Variants in GLRA3 observed in about 807,000 individuals in gnomAD.
GLRA3 encodes the protein glycine receptor alpha 3.
GLRA3 carries 44 observed loss-of-function variants against 60.4 expected under a neutral mutation model. The ratio of observed to expected loss-of-function variants is 0.73; its 90% confidence interval spans 0.57 to 0.94. GLRA3 has a LOEUF of 0.94. Ranked by LOEUF, GLRA3 falls within the 40% of genes least tolerant of loss-of-function variation. The pLI is 0.00. For synonymous variants in GLRA3, 223 were observed against 192.9 expected (o/e 1.16, Z -1.29); for missense variants, 508 against 564.6 (o/e 0.90, Z 1.02).
At chr4:174,735,621 T>C (rs1258682256) in intron 3 of GLRA3, among the ~76,000 whole-genome samples, 1 of 152,144 alleles carries the variant, frequency 6.6e-6, no homozygotes, top group Non-Finnish European at 1.5e-5. Context: ...AATGCAGTGG[T>C]GCCAACTCTG....
At position 174,829,226 on chromosome 4, in the gene GLRA3, A is replaced by G. The variant is rs982715954; in HGVS notation, c.-415T>C. 3 of 163,764 alleles carry G rather than the reference A, an allele frequency of 1.8e-5. No homozygotes were observed. Among genetic ancestry groups the G allele is most frequent in the African/African-American group, 7.2e-5 (3 of 41,834 alleles). 10.1% of individuals were successfully genotyped at this position (163,764 alleles called of 1,614,324 possible). A position where few individuals can be genotyped will look rare whatever the true frequency, so the allele number is the denominator to read the frequency against. On this transcript the variant is annotated 5_prime_UTR_variant, in exon 1 of 10. Transcript: ENST00000274093. Reference sequence around the variant, plus strand: ...CCTGCTCCAAGCGCCGCCCGCCGGAATCCAGCTCTCCACCTTGGGTTAAAA... The same window carrying G: ...CCTGCTCCAAGCGCCGCCCGCCGGAGTCCAGCTCTCCACCTTGGGTTAAAA...
intron 1 of GLRA3, among the ~76,000 whole-genome samples, chr4:174,825,889 A>G (rs1578947562): frequency 6.6e-6 from 1 of 152,254 alleles, no homozygotes; most frequent in East Asian, 1.9e-4. Context: ...TACTAGAAAT[A>G]CTAAAAATTT....
Position 174,811,744 on chromosome 4 carries a change from G to A in GLRA3, c.71+16997C>T, listed in dbSNP as rs547510444. 2.0e-5 allele frequency among the ~76,000 whole-genome samples: 3 copies of A among 152,226 alleles called. No homozygotes were observed. The East Asian group carries it at 5.8e-4, about 29-fold the overall frequency. ...ATGTTGCTTTGCTGTAATTTCTATA[G>A]TCCTCTAGAACTCAGTTTGATAACG... On this transcript the variant is annotated intron_variant, in intron 1 of 9. Transcript: ENST00000274093.
intron 1 of GLRA3, among the ~76,000 whole-genome samples, chr4:174,825,413 C>A (rs1043806698): frequency 8.6e-5 from 13 of 152,010 alleles, no homozygotes; most frequent in Non-Finnish European, 1.5e-4. Flanking sequence ...ATTATTATGA[C>A]ATCTGAAATT....
At chr4:174,709,827 AG>A (rs1735645636) in intron 5 of GLRA3, among the ~76,000 whole-genome samples, 4 of 152,086 alleles carry the variant, frequency 2.6e-5, no homozygotes. Context: ...TTACTGTAAC[AG>A]TAAAGATTCA....
chr4:174,645,889 T>A (rs1408283457), intron 9 of GLRA3, among the ~76,000 whole-genome samples: 1 of 152,248 alleles, frequency 6.6e-6, no homozygotes, highest in African/African-American at 2.4e-5. Flanking sequence ...TAAATTGTTC[T>A]TATGTAAATG....
At position 174,638,181 on chromosome 4, in the gene GLRA3, C is replaced by T. The variant is rs1732543890; in HGVS notation, c.*5605G>A. 1 of 152,098 alleles carries T rather than the reference C, an allele frequency of 6.6e-6. No homozygotes were observed. Among genetic ancestry groups the T allele is most frequent in the Admixed American group, 6.5e-5 (1 of 15,272 alleles). 9.4% of individuals were successfully genotyped at this position (152,098 alleles called of 1,614,324 possible). ...GACTGCCCTCAGAGTAATGAGCTAC[C>T]TGTTGCTATCTGGGTGCTCGAAGAA... On this transcript the variant is annotated 3_prime_UTR_variant, in exon 10 of 10. Coordinates refer to ENST00000274093, the MANE Select transcript of GLRA3 (RefSeq NM_006529.4).
intron 5 of GLRA3, among the ~76,000 whole-genome samples, chr4:174,690,994 T>C (rs1263202328): frequency 2.0e-5 from 3 of 152,218 alleles, no homozygotes; most frequent in African/African-American, 4.8e-5. Flanking sequence ...TGCATGTGTC[T>C]TTATGGTACA....
intron 3 of GLRA3, among the ~76,000 whole-genome samples, chr4:174,742,714 A>G (rs1737074498): frequency 6.6e-6 from 1 of 152,182 alleles, no homozygotes; most frequent in South Asian, 2.1e-4. Context: ...ATAGCTTTTA[A>G]AGCCTGTTCC....
chr4:174,689,562 T>C, intron 5 of GLRA3, among the ~76,000 whole-genome samples: 1 of 151,284 alleles, frequency 6.6e-6, no homozygotes, highest in African/African-American at 2.4e-5. Flanking sequence ...CTTCTCAACC[T>C]CCCCCTCTTC....
intron 8 of GLRA3, among the ~76,000 whole-genome samples, chr4:174,658,618 T>A (rs140853360): frequency 6.6e-6 from 1 of 152,316 alleles, no homozygotes; most frequent in African/African-American, 2.4e-5. Flanking sequence ...CATGTATTTA[T>A]CATCATGGTA....
rs576575105 is a variant in GLRA3, at chr4:174,812,822, T to C, written c.71+15919A>G. 5.3e-5 allele frequency among the ~76,000 whole-genome samples: 8 copies of C among 152,312 alleles called. No individual in the cohort carries two copies. In the East Asian group the frequency reaches 1.5e-3, roughly 29 times the overall value. ...CCACTCTCTCACCTTTCTCTCCTTTTCTCACCCTTCCTCCGTCTTTTTTTC... is the reference window on the plus strand; with the variant it reads ...CCACTCTCTCACCTTTCTCTCCTTTCCTCACCCTTCCTCCGTCTTTTTTTC... On this transcript the variant is annotated intron_variant, in intron 1 of 9. Transcript: ENST00000274093.
rs563993094 is a variant in GLRA3 at position 174,699,580 on chromosome 4, C to A, written c.574+15908G>T. ...AATTCCTAATATATTGTTATGAGGA[C>A]TACTGTAATAATAAAATTCTATCTA... On this transcript the variant is annotated intron_variant, in intron 5 of 9. Transcript: ENST00000274093. 2.6e-5 allele frequency among the ~76,000 whole-genome samples: 4 copies of A among 152,054 alleles called. No individual in the cohort carries two copies. In the East Asian group the frequency reaches 7.7e-4, roughly 29 times the overall value.
intron 9 of GLRA3, among the ~76,000 whole-genome samples, chr4:174,644,944 A>C (rs1196384067): frequency 6.6e-6 from 1 of 152,138 alleles, no homozygotes; most frequent in African/African-American, 2.4e-5. Flanking sequence ...TTAATAATTT[A>C]CTTTAACACA....
chr4:174,647,412 A>G (rs910751981), intron 9 of GLRA3, among the ~76,000 whole-genome samples: 5 of 37,532 alleles, frequency 1.3e-4, no homozygotes, highest in Non-Finnish European at 4.2e-5. Flanking sequence ...CCATCTCAAG[A>G]AAAAAAAAAA....
chr4:174,786,888 T>A (rs1002365443), intron 2 of GLRA3, among the ~76,000 whole-genome samples: 17 of 151,992 alleles, frequency 1.1e-4, no homozygotes, highest in Admixed American at 1.1e-3. Flanking sequence ...GACACTGGGG[T>A]GTAAGAATGA....
intron 5 of GLRA3, among the ~76,000 whole-genome samples, chr4:174,692,947 TAA>T (rs70947455): frequency 7.0e-6 from 1 of 142,460 alleles, no homozygotes; most frequent in Admixed American, 7.0e-5. Flanking sequence ...AAAAAAAAAA[TAA>T]AAAAAAAAAA....
intron 3 of GLRA3, among the ~76,000 whole-genome samples, chr4:174,765,510 A>C (rs541296667): frequency 1.5e-3 from 227 of 152,212 alleles, no homozygotes; most frequent in African/African-American, 5.2e-3. Flanking sequence ...TAGAAACAAA[A>C]TGAGAAAATT....
intron 7 of GLRA3, among the ~76,000 whole-genome samples, chr4:174,672,692 A>T (rs533458234): frequency 1.3e-5 from 2 of 152,324 alleles, no homozygotes; most frequent in South Asian, 4.1e-4. Context: ...CAGAAGAGAT[A>T]CAGGCACCTC....
Sources: allele counts gnomAD v4.1 joint callset (sites outside exome capture counted in the v4.1 genomes callset), GRCh38; gene constraint gnomAD v4.1.1; transcripts MANE v1.5; gene names NCBI Gene and HGNC (gene_info 2026-07-23, HGNC 2026-07-21).